Variants in ENOX1 observed in about 807,000 individuals in gnomAD.
ENOX1 encodes candidate growth-related and time keeping constitutive hydroquinone (NADH) oxidase.
In ENOX1, 42 loss-of-function variants were observed where a neutral mutation model predicts 82.5. The ratio of observed to expected loss-of-function variants is 0.51; its 90% CI spans 0.40 to 0.66. The LOEUF is 0.66. Ranked by LOEUF, ENOX1 falls within the 30% of genes least tolerant of loss-of-function variation. The probability of loss-of-function intolerance (pLI) is 0.00; values close to 1 mark genes in which losing one functional copy is unlikely to be tolerated. For missense variants in ENOX1, 608 were observed against 811.6 expected (o/e 0.75, Z 3.05); for synonymous variants, 271 against 282.2 (o/e 0.96, Z 0.40).
chr13:43,395,175 C>T (rs1024893291), intron 5 of ENOX1, among the ~76,000 whole-genome samples: 3 of 152,300 alleles, frequency 2.0e-5, no homozygotes, highest in East Asian at 1.9e-4. Flanking sequence ...ATGGGAATAG[C>T]GTGACACATT....
chr13:43,784,947 C>G (rs1343766230), intron 1 of ENOX1, among the ~76,000 whole-genome samples: 1 of 152,210 alleles, frequency 6.6e-6, no homozygotes, highest in Non-Finnish European at 1.5e-5. Flanking sequence ...TATACGTACA[C>G]ATATATTTCT....
chr13:43,457,534 A>G (rs2057288991), intron 3 of ENOX1, among the ~76,000 whole-genome samples: 1 of 152,098 alleles, frequency 6.6e-6, no homozygotes, highest in Admixed American at 6.6e-5. Context: ...AGGGAGGGGG[A>G]AGGAGAAAAA....
intron 3 of ENOX1, among the ~76,000 whole-genome samples, chr13:43,477,909 A>G (rs1370434655): frequency 6.6e-6 from 1 of 152,114 alleles, no homozygotes. Flanking sequence ...TTCTTTCAAA[A>G]TTGCCAATAA....
intron 8 of ENOX1, among the ~76,000 whole-genome samples, chr13:43,355,552 C>A (rs889517307): frequency 6.6e-6 from 1 of 152,188 alleles, no homozygotes. Flanking sequence ...TAGTTGCTGG[C>A]TCATTAAACA....
At chr13:43,222,380 T>TACACACACACACACACACACACAC (rs35476412) in intron 16 of ENOX1, among the ~76,000 whole-genome samples, 1 of 149,090 alleles carries the variant, frequency 6.7e-6, no homozygotes, top group African/African-American at 2.5e-5. Flanking sequence ...GAGATGATTT[T>TACACACACACACACACACACACAC]ACACACACAC....
In ENOX1 at chr13:43,236,677, CT is replaced by C; in HGVS notation, c.1672del (p.Arg558GlufsTer5). 1 of 1,588,272 alleles carries C rather than the reference CT, an allele frequency of 6.3e-7. No homozygotes were observed. Among genetic ancestry groups the C allele is most frequent in the Non-Finnish European group, 8.5e-7 (1 of 1,173,592 alleles). On this transcript the variant is annotated frameshift_variant, in exon 15 of 17. Transcript: ENST00000690772. LOFTEE classifies it high-confidence loss of function. ...NQDRENNIEK[R>X]SQGLKSEKEA... ...TTTCTCTGATTTTAAGCCTTGGCTTCTTTTCTCAATATTGTTCTCTCGGTCT... is the reference window on the plus strand; with the variant it reads ...TTTCTCTGATTTTAAGCCTTGGCTTCTTTCTCAATATTGTTCTCTCGGTCT...
At chr13:43,603,880 T>G in intron 2 of ENOX1, among the ~76,000 whole-genome samples, 1 of 107,604 alleles carries the variant, frequency 9.3e-6, no homozygotes. Flanking sequence ...CAGCATGATT[T>G]ATAGTCCTTT....
intron 3 of ENOX1, among the ~76,000 whole-genome samples, chr13:43,427,326 T>G (rs983349935): frequency 1.3e-5 from 2 of 152,038 alleles, no homozygotes; most frequent in East Asian, 1.9e-4. Flanking sequence ...CAACAACCTA[T>G]GAGATAGATG....
At chr13:43,704,706 T>C (rs1221323532) in intron 1 of ENOX1, among the ~76,000 whole-genome samples, 51 of 152,150 alleles carry the variant, frequency 3.4e-4, no homozygotes, top group Admixed American at 3.3e-3. Context: ...ACTTAAATTG[T>C]ACGTACATGC....
chr13:43,549,858 C>T (rs1323802997), intron 2 of ENOX1, among the ~76,000 whole-genome samples: 1 of 152,170 alleles, frequency 6.6e-6, no homozygotes, highest in Non-Finnish European at 1.5e-5. Flanking sequence ...GTACTGAATT[C>T]CACATTCAGG....
At chr13:43,526,443 G>A (rs1355972625) in intron 2 of ENOX1, among the ~76,000 whole-genome samples, 1 of 151,982 alleles carries the variant, frequency 6.6e-6, no homozygotes, top group African/African-American at 2.4e-5. Flanking sequence ...TTCTAAATGA[G>A]CTTTTCATGC....
chr13:43,232,093 C>CTT (rs33932346), intron 15 of ENOX1, among the ~76,000 whole-genome samples: 17,999 of 109,506 alleles, frequency 0.16, 2,321 homozygotes, highest in Admixed American at 0.18. Context: ...GCCCAGCTAA[C>CTT]TTTTTTTTTT....
chr13:43,217,122 C>T (rs1014933336), intron 16 of ENOX1, among the ~76,000 whole-genome samples: 62 of 152,206 alleles, frequency 4.1e-4, no homozygotes, highest in African/African-American at 1.4e-3. Context: ...CCCCTGCCCA[C>T]CTCCACCAGG....
At chr13:43,515,729 A>T (rs1566428997) in intron 2 of ENOX1, among the ~76,000 whole-genome samples, 1 of 152,192 alleles carries the variant, frequency 6.6e-6, no homozygotes, top group Non-Finnish European at 1.5e-5. Context: ...AAAGAATCAC[A>T]GTCACTGAAA....
intron 2 of ENOX1, among the ~76,000 whole-genome samples, chr13:43,527,001 G>A (rs1173391811): frequency 9.9e-5 from 15 of 152,040 alleles, no homozygotes; most frequent in Admixed American, 9.8e-4. Flanking sequence ...CACTCTATTG[G>A]AAGCAGAGTG....
At chr13:43,568,256 T>C (rs1335369982) in intron 2 of ENOX1, among the ~76,000 whole-genome samples, 1 of 152,176 alleles carries the variant, frequency 6.6e-6, no homozygotes, top group Non-Finnish European at 1.5e-5. Context: ...GAAAACTTTT[T>C]TCCCCTTCCT....
At chr13:43,742,413 GAGAGAC>G (rs1266800215) in intron 1 of ENOX1, among the ~76,000 whole-genome samples, 2 of 151,914 alleles carry the variant, frequency 1.3e-5, no homozygotes, top group African/African-American at 4.8e-5. Context: ...GAGAGACAGA[GAGAGAC>G]AGAGACAGAG....
intron 1 of ENOX1, among the ~76,000 whole-genome samples, chr13:43,687,921 T>C (rs2086159786): frequency 6.6e-6 from 1 of 152,022 alleles, no homozygotes; most frequent in Non-Finnish European, 1.5e-5. Context: ...AAGTGAGACT[T>C]ATCCAGGTGA....
intron 3 of ENOX1, chr13:43,459,147 T>C (rs1304848498): frequency 6.6e-6 from 1 of 152,214 alleles, no homozygotes. Flanking sequence ...TTCAATGAAA[T>C]GAGCTATTTT....
Sources: gnomAD v4.1 joint callset for allele counts (sites outside exome capture counted in the v4.1 genomes callset) on GRCh38, gnomAD v4.1.1 for gene constraint, MANE v1.5 for transcripts, NCBI Gene and HGNC (gene_info 2026-07-23, HGNC 2026-07-21) for gene names.